Variants in GTSE1 observed in about 807,000 individuals in gnomAD.
The protein encoded by GTSE1 is G2 and S phase-expressed protein 1.
GTSE1 carries 52 observed loss-of-function variants against 60.5 expected under a neutral mutation model. That is an observed-to-expected ratio of 0.86 (90% confidence interval 0.69 to 1.08). The LOEUF (loss-of-function observed/expected upper bound fraction) is 1.08. Among genes scored for constraint, GTSE1 ranks in the 50% least tolerant of loss-of-function variants. The pLI is 0.00. For missense variants in GTSE1, 937 were observed against 961.8 expected (o/e 0.97, Z 0.34); for synonymous variants, 368 against 386.5 (o/e 0.95, Z 0.56).
Position 46,326,576 on chromosome 22 carries a change from T to C in GTSE1, c.1646T>C (p.Met549Thr). The C allele has an allele frequency of 6.2e-7, 1 of 1,614,004 alleles. No individual in the cohort carries two copies. The highest frequency in any genetic ancestry group is 2.2e-5 in the East Asian group (1 of 44,866). The change falls in exon 9 of 12, where the codon ATG becomes ACG. Residue 549 changes from methionine to threonine, a missense_variant. Met to Thr is a moderately conservative substitution (Grantham distance 81, BLOSUM62 -1). Coordinates refer to ENST00000454366, the MANE Select transcript of GTSE1 (RefSeq NM_016426.7). ...SGLPPMTPKTMPRAVGSPLCV... is the reference protein window; with the variant it reads ...SGLPPMTPKTTPRAVGSPLCV... ...CTTCCACCGATGACCCCCAAAACGA[T>C]GCCCAGGGCCGTGGGCTCTCCCCTG...
At position 46,330,051 on chromosome 22, in the gene GTSE1, T is replaced by A; in HGVS notation, c.2141T>A (p.Ile714Lys). 1 of 1,598,318 alleles carries A rather than the reference T, an allele frequency of 6.3e-7. No individual in the cohort carries two copies. Among genetic ancestry groups the A allele is most frequent in the Non-Finnish European group, 8.6e-7 (1 of 1,165,524 alleles). ...CTCCACTCTGCTCTCTTCCAGCTCA[T>A]AGACCTGAGCTCCCCTCTGATCCAG... ...AKPSPVVGQL[I>K]DLSSPLIQLS... Residue 714 changes from isoleucine (I) to lysine (K), a missense_variant, in exon 12 of 12, where the codon ATA becomes AAA. Transcript: ENST00000454366. The surrounding 1 kb of genome is among the most constrained non-coding windows in gnomAD (Gnocchi z 6.0).
intron 8 of GTSE1, among the ~76,000 whole-genome samples, chr22:46,325,901 G>A (rs1200978224): frequency 6.6e-6 from 1 of 152,232 alleles, no homozygotes; most frequent in African/African-American, 2.4e-5. Flanking sequence ...TATTGCCAGG[G>A]ACGTGAGGGG....
rs1040682862 is a variant in GTSE1, at chr22:46,318,832, A to G, written c.1432+2420A>G. 2.6e-5 allele frequency among the ~76,000 whole-genome samples: 4 copies of G among 152,294 alleles called. No individual in the cohort carries two copies. Among genetic ancestry groups the G allele is most frequent in the African/African-American group, 9.6e-5 (4 of 41,556 alleles). ...CAGTACTCCTTGGTGTCAGGGACCC[A>G]GGCTTACTCCATCCTGTGCTGCCGT... is the stretch of plus-strand genomic sequence containing the variant. On this transcript the variant is annotated intron_variant, in intron 7 of 11. Transcript: ENST00000454366. This position sits in a 1 kb window ranked among gnomAD's most constrained non-coding sequence, Gnocchi z 4.8.
At chr22:46,327,888 T>C (rs2077853140) in intron 9 of GTSE1, among the ~76,000 whole-genome samples, 1 of 152,114 alleles carries the variant, frequency 6.6e-6, no homozygotes, top group Non-Finnish European at 1.5e-5. Context: ...GGGAAAGGCA[T>C]GGAATGCCAA....
intron 2 of GTSE1, among the ~76,000 whole-genome samples, chr22:46,301,629 A>C (rs1365230978): frequency 6.6e-6 from 1 of 151,810 alleles, no homozygotes; most frequent in East Asian, 1.9e-4. Context: ...CTGGGATTAC[A>C]GGCACCTGCC....
intron 4 of GTSE1, 38 bp downstream of exon 4, chr22:46,308,981 C>A (rs750098566): frequency 5.1e-6 from 8 of 1,569,042 alleles, no homozygotes; most frequent in East Asian, 2.2e-5. Context: ...GGGGAGCCCC[C>A]ACTCCTTGCC....
intron 2 of GTSE1, among the ~76,000 whole-genome samples, chr22:46,301,914 A>T (rs990835887): frequency 2.0e-5 from 3 of 152,272 alleles, no homozygotes; most frequent in Admixed American, 2.0e-4. Context: ...GGATCACCTG[A>T]GATCGGGAGT....
Position 46,312,272 on chromosome 22 carries a change from C to T in GTSE1, c.894C>T (p.Gly298=). 1 of 1,613,790 alleles carries T rather than the reference C, an allele frequency of 6.2e-7. No homozygotes were observed. Among genetic ancestry groups the T allele is most frequent in the Non-Finnish European group, 8.5e-7 (1 of 1,179,872 alleles). The change falls in exon 5 of 12, where the codon GGC becomes GGT. Residue 298 remains glycine (G), a synonymous_variant. Transcript: ENST00000454366. ...TGCCGGCCGCCGGAAGCCACTTGGG[C>T]CAGGGCAAGCGGGCGATCCCTGTTC... ...VNVPAAGSHL[G]QGKRAIPVPN...
rs770128788 is a variant in GTSE1 at position 46,314,056 on chromosome 22, T to TGAGGCCTGGAGTGCTGCTCAGGC, written c.1051+44_1051+66dup. The TGAGGCCTGGAGTGCTGCTCAGGC allele has an allele frequency of 5.0e-6, 8 of 1,610,610 alleles. No individual in the cohort carries two copies. The highest frequency in any genetic ancestry group is 5.9e-6 in the Non-Finnish European group (7 of 1,177,832). ...ATGCTTGGACCCACATCTGGCCAGG[T>TGAGGCCTGGAGTGCTGCTCAGGC]GAGGCCTGGAGTGCTGCTCAGGCCT... On this transcript the variant is annotated intron_variant, in intron 6 of 11. Transcript: ENST00000454366. The surrounding 1 kb of genome is among the most constrained non-coding windows in gnomAD (Gnocchi z 7.1).
Position 46,319,982 on chromosome 22 carries a change from CAAA to C in GTSE1, c.1433-3196_1433-3194del, listed in dbSNP as rs374478660. On this transcript the variant is annotated intron_variant, in intron 7 of 11. Coordinates refer to ENST00000454366, the MANE Select transcript of GTSE1 (RefSeq NM_016426.7). This position sits in a 1 kb window ranked among gnomAD's most constrained non-coding sequence, Gnocchi z 5.0. The stretch of plus-strand genomic sequence containing the variant: ...CCTGGGCGACAGAACGAGACTGTCT[CAAA>C]AAAAAAAAAAAGAAAGAAAGAAAGA... 0.011 allele frequency among the ~76,000 whole-genome samples: 1,317 copies of C among 115,406 alleles called. 21 individuals carry two copies. The highest frequency in any genetic ancestry group is 0.038 in the African/African-American group (1,243 of 33,016). The allele number at this position is 115,406 out of a possible 152,430, so 75.7% of individuals were successfully genotyped here. A position where few individuals can be genotyped will look rare whatever the true frequency, so the allele number is the denominator to read the frequency against.
intron 2 of GTSE1, among the ~76,000 whole-genome samples, chr22:46,301,714 C>G (rs1429672418): frequency 1.3e-5 from 2 of 151,974 alleles, no homozygotes; most frequent in East Asian, 3.9e-4. Context: ...GTCTCGAACT[C>G]CTGACCTCAG....
Position 46,320,430 on chromosome 22 carries a change from G to A in GTSE1, c.1433-2760G>A, listed in dbSNP as rs7349055. Among the ~76,000 whole-genome samples, 6,413 of 152,256 alleles carry A rather than the reference G, an allele frequency of 0.042. 457 individuals are homozygous for A. The highest frequency in any genetic ancestry group is 0.15 in the African/African-American group (6,048 of 41,520). On this transcript the variant is annotated intron_variant, in intron 7 of 11. Coordinates refer to ENST00000454366, the MANE Select transcript of GTSE1 (RefSeq NM_016426.7). The surrounding 1 kb of genome is among the most constrained non-coding windows in gnomAD (Gnocchi z 7.1). ...AGCACTGGCCGGAAGAGAGGCCCCA[G>A]GGGAGCAGCCACGCTGTTGGGAACA...
intron 4 of GTSE1, among the ~76,000 whole-genome samples, chr22:46,311,268 G>T (rs1284883606): frequency 2.0e-5 from 3 of 152,066 alleles, no homozygotes; most frequent in African/African-American, 7.2e-5. Context: ...AGTAGAGACA[G>T]GGTTTCATCA....
intron 8 of GTSE1, 27 bp downstream of exon 8, chr22:46,323,289 C>G: frequency 6.4e-7 from 1 of 1,551,710 alleles, no homozygotes; most frequent in Non-Finnish European, 8.9e-7. Flanking sequence ...CGCTTCCTCT[C>G]TTTATTGCTG....
At position 46,314,164 on chromosome 22, in the gene GTSE1, T is replaced by G; in HGVS notation, c.1051+151T>G. The G allele has an allele frequency of 1.1e-6, 1 of 930,522 alleles. No individual in the cohort carries two copies. Among genetic ancestry groups the G allele is most frequent in the Non-Finnish European group, 1.6e-6 (1 of 618,372 alleles). The allele number at this position is 930,522 out of a possible 1,614,324, so 57.6% of individuals were successfully genotyped here. ...GTGTGCGGTGGACCAGGCTGTGGAC[T>G]GAGTTGCTGTACCTGCCCTCAGTGC... On this transcript the variant is annotated intron_variant, in intron 6 of 11. Transcript: ENST00000454366. This position sits in a 1 kb window ranked among gnomAD's most constrained non-coding sequence, Gnocchi z 7.1.
rs1601910714 is a variant in GTSE1, at chr22:46,316,259, G to A, written c.1279G>A (p.Gly427Ser). 1 of 1,613,886 alleles carries A rather than the reference G, an allele frequency of 6.2e-7. No homozygotes were observed. The highest frequency in any genetic ancestry group is 8.5e-7 in the Non-Finnish European group (1 of 1,180,022). Residue 427 changes from glycine to serine, a missense_variant, in exon 7 of 12, where the codon GGC becomes AGC. Transcript: ENST00000454366. This position sits in a 1 kb window ranked among gnomAD's most constrained non-coding sequence, Gnocchi z 5.0. ...SPTQPQTPEG[G>S]GQWLNSSCAW... Reference sequence around the variant, plus strand: ...CACCCAACCCCAGACTCCGGAAGGTGGCGGCCAGTGGCTGAACTCCAGTTG... The same window carrying A: ...CACCCAACCCCAGACTCCGGAAGGTAGCGGCCAGTGGCTGAACTCCAGTTG...
Position 46,313,256 on chromosome 22 carries a change from C to T in GTSE1, c.928-634C>T, listed in dbSNP as rs2077759189. Among the ~76,000 whole-genome samples, 1 of 150,906 alleles carries T rather than the reference C, an allele frequency of 6.6e-6. No individual in the cohort carries two copies. Among genetic ancestry groups the T allele is most frequent in the Non-Finnish European group, 1.5e-5 (1 of 67,862 alleles). On this transcript the variant is annotated intron_variant, in intron 5 of 11. Transcript: ENST00000454366. The surrounding 1 kb of genome is among the most constrained non-coding windows in gnomAD (Gnocchi z 4.4). ...CAGCCACATCTTTGCCACTTATTTT[C>T]TGGCATTGGCGGTAAACCAAGCTGT...
chr22:46,304,373 G>A lies in GTSE1; in HGVS notation c.80-3777G>A, dbSNP rs1403957336. Among the ~76,000 whole-genome samples, 1 of 152,158 alleles carries A rather than the reference G, an allele frequency of 6.6e-6. No homozygotes were observed. Among genetic ancestry groups the A allele is most frequent in the Non-Finnish European group, 1.5e-5 (1 of 68,028 alleles). On this transcript the variant is annotated intron_variant, in intron 2 of 11. Coordinates refer to ENST00000454366, the MANE Select transcript of GTSE1 (RefSeq NM_016426.7). This position sits in a 1 kb window ranked among gnomAD's most constrained non-coding sequence, Gnocchi z 4.4. ...ATCAATTTGTTCCTGTCTTTAGAAG[G>A]AATACTTCTGACGTTATCCCACTGA...
chr22:46,308,095 A>G, intron 2 of GTSE1, 55 bp from the exon 3 acceptor site: 6 of 1,171,006 alleles, frequency 5.1e-6, no homozygotes, highest in Non-Finnish European at 7.7e-6. Context: ...GCCTGGTAAT[A>G]TTTTTCTCTT....
Sources: allele counts gnomAD v4.1 joint callset (sites outside exome capture counted in the v4.1 genomes callset), GRCh38; gene constraint gnomAD v4.1.1; non-coding constraint Gnocchi (gnomAD v3.1); transcripts MANE v1.5; gene names NCBI Gene and HGNC (gene_info 2026-07-23, HGNC 2026-07-21).